Variants in DISC1 observed in about 807,000 individuals in gnomAD.
The protein encoded by DISC1 is DISC1 scaffold protein.
A neutral mutation model predicts 84.5 loss-of-function variants in DISC1; 57 were observed. That is an observed-to-expected ratio of 0.67 (90% confidence interval 0.55 to 0.84). The LOEUF is 0.84. Among genes scored for constraint, DISC1 ranks in the 40% least tolerant of loss-of-function variants. The pLI, the probability that DISC1 is intolerant of heterozygous loss-of-function variation, is 0.00. For synonymous variants in DISC1, 411 were observed against 415.2 expected (o/e 0.99, Z 0.12); for missense variants, 1,000 against 1,057.8 (o/e 0.95, Z 0.76).
intron 10 of DISC1, among the ~76,000 whole-genome samples, chr1:232,006,620 T>G (rs1667477815): frequency 6.6e-6 from 1 of 152,110 alleles, no homozygotes; most frequent in Admixed American, 6.5e-5. Flanking sequence ...AGAGATGATG[T>G]GTAATTGGAA....
chr1:231,728,084 T>C (rs1185690775), intron 3 of DISC1, among the ~76,000 whole-genome samples: 4 of 152,118 alleles, frequency 2.6e-5, no homozygotes, highest in African/African-American at 9.7e-5. Context: ...AAAACTTGAT[T>C]TTTTTTTCGT....
intron 9 of DISC1, among the ~76,000 whole-genome samples, chr1:231,911,314 T>C (rs1002414996): frequency 1.3e-5 from 2 of 152,204 alleles, no homozygotes; most frequent in Non-Finnish European, 1.5e-5. Flanking sequence ...TGGCTGGTAC[T>C]GGTTGTTCCT....
At chr1:231,855,195 A>C (rs1174735797) in intron 9 of DISC1, 1 of 1,011,016 alleles carries the variant, frequency 9.9e-7, no homozygotes, top group African/African-American at 1.7e-5. Context: ...CACTTTTGAA[A>C]ACTTACACCT....
intron 9 of DISC1, among the ~76,000 whole-genome samples, chr1:231,935,335 G>A (rs1198629615): frequency 6.6e-6 from 1 of 152,152 alleles, no homozygotes; most frequent in Non-Finnish European, 1.5e-5. Flanking sequence ...TGGGGGCGTG[G>A]GGCGTGGTGA....
At chr1:232,016,490 G>A (rs1668503190) in intron 11 of DISC1, among the ~76,000 whole-genome samples, 1 of 152,148 alleles carries the variant, frequency 6.6e-6, no homozygotes, top group Non-Finnish European at 1.5e-5. Context: ...TTCTCAGAGG[G>A]TTCTAATGAA....
chr1:231,801,014 A>G (rs927502870), intron 8 of DISC1, among the ~76,000 whole-genome samples: 4 of 152,160 alleles, frequency 2.6e-5, no homozygotes, highest in African/African-American at 7.2e-5. Flanking sequence ...CATCAGCTTC[A>G]AAAGAATCAT....
intron 4 of DISC1, among the ~76,000 whole-genome samples, 158 bp from the exon 5 acceptor site, chr1:231,766,982 C>T (rs1400087426): frequency 1.3e-5 from 2 of 152,180 alleles, no homozygotes; most frequent in African/African-American, 4.8e-5. Flanking sequence ...CAGGTAGAAA[C>T]TTACATTAAG....
chr1:231,952,878 GCC>G (rs1412394163), intron 9 of DISC1, among the ~76,000 whole-genome samples: 1 of 151,958 alleles, frequency 6.6e-6, no homozygotes, highest in Non-Finnish European at 1.5e-5. Context: ...TTACAGCACA[GCC>G]TTTGGCCTCC....
intron 1 of DISC1, among the ~76,000 whole-genome samples, chr1:231,669,754 C>T (rs905508914): frequency 3.3e-5 from 5 of 151,748 alleles, no homozygotes; most frequent in Non-Finnish European, 5.9e-5. Flanking sequence ...GAGAAAAAAA[C>T]GCTTATATGC....
At chr1:231,943,339 G>T (rs1162840176) in intron 9 of DISC1, among the ~76,000 whole-genome samples, 1 of 152,254 alleles carries the variant, frequency 6.6e-6, no homozygotes, top group African/African-American at 2.4e-5. Flanking sequence ...AGAGTGAGGG[G>T]GAAGATGTGG....
At chr1:231,702,075 T>C (rs767273673) in intron 3 of DISC1, 51 bp downstream of exon 3, 54 of 1,580,354 alleles carry the variant, frequency 3.4e-5, no homozygotes, top group Non-Finnish European at 3.2e-5. Context: ...CCCAATTTTC[T>C]TTCCATCTTT....
intron 9 of DISC1, among the ~76,000 whole-genome samples, chr1:231,935,791 A>G (rs764614069): frequency 6.6e-6 from 1 of 152,216 alleles, no homozygotes. Flanking sequence ...TGCACAATGG[A>G]CAACACTTAA....
intron 1 of DISC1, among the ~76,000 whole-genome samples, chr1:231,633,640 T>C (rs1400249295): frequency 6.6e-6 from 1 of 152,234 alleles, no homozygotes; most frequent in Non-Finnish European, 1.5e-5. Flanking sequence ...TCCCCAGAGC[T>C]GTACATGTCT....
intron 11 of DISC1, among the ~76,000 whole-genome samples, chr1:232,025,843 G>A (rs554296879): frequency 2.3e-4 from 35 of 152,122 alleles, no homozygotes; most frequent in South Asian, 4.1e-4. Context: ...TGATCCGCCC[G>A]CTTCGGCCTC....
chr1:231,935,737 A>C (rs2090945294), intron 9 of DISC1, among the ~76,000 whole-genome samples: 1 of 152,222 alleles, frequency 6.6e-6, no homozygotes, highest in Non-Finnish European at 1.5e-5. Flanking sequence ...AAAGTACACA[A>C]GGTTTTGTGT....
intron 10 of DISC1, among the ~76,000 whole-genome samples, chr1:232,002,426 A>G (rs1276309323): frequency 1.3e-5 from 2 of 152,206 alleles, no homozygotes; most frequent in African/African-American, 4.8e-5. Flanking sequence ...CTATGCACAG[A>G]TGTTCATAGC....
chr1:232,027,264 C>T (rs1288054816), intron 12 of DISC1, among the ~76,000 whole-genome samples: 1 of 152,232 alleles, frequency 6.6e-6, no homozygotes, highest in Non-Finnish European at 1.5e-5. Flanking sequence ...TCTAGCAACT[C>T]TACCTAGTAA....
chr1:231,861,477 T>C (rs1420028274), intron 9 of DISC1, among the ~76,000 whole-genome samples: 1 of 97,142 alleles, frequency 1.0e-5, no homozygotes, highest in Non-Finnish European at 2.2e-5. Context: ...TTTTTTTTTT[T>C]GGTTGTTGTG....
chr1:231,944,971 T>C (rs866485104), intron 9 of DISC1: 28 of 152,278 alleles, frequency 1.8e-4, no homozygotes, highest in African/African-American at 6.0e-4. Context: ...CAAAGCGGCT[T>C]AGACTCCCAC....
Sources: gnomAD v4.1 joint callset for allele counts (sites outside exome capture counted in the v4.1 genomes callset) on GRCh38, gnomAD v4.1.1 for gene constraint, MANE v1.5 for transcripts, NCBI Gene and HGNC (gene_info 2026-07-23, HGNC 2026-07-21) for gene names.